ARAP2: variants seen among roughly 807,000 people sequenced by gnomAD.
The protein encoded by ARAP2 is ArfGAP with RhoGAP domain, ankyrin repeat and PH domain 2.
Under a neutral mutation model 194.5 loss-of-function variants are expected in ARAP2, and 148 were observed. The observed-to-expected ratio is 0.76, with a 90% CI of 0.67 to 0.87. ARAP2 has a LOEUF of 0.87. Among genes scored for constraint, ARAP2 ranks in the 40% least tolerant of loss-of-function variants. The probability of loss-of-function intolerance (pLI) is 0.00; values close to 1 mark genes in which losing one functional copy is unlikely to be tolerated. For synonymous variants in ARAP2, 695 were observed against 683.5 expected (o/e 1.02, Z -0.26); for missense variants, 2,128 against 1,989.7 (o/e 1.07, Z -1.32).
chr4:36,083,286 A>G, intron 29 of ARAP2, 82 bp downstream of exon 29: 1 of 990,156 alleles, frequency 1.0e-6, no homozygotes, highest in Non-Finnish European at 1.5e-6. Flanking sequence ...AAGTTAGACT[A>G]ATGCCACTGA....
At chr4:36,157,077 A>G (rs1434268655) in intron 15 of ARAP2, among the ~76,000 whole-genome samples, 2 of 152,182 alleles carry the variant, frequency 1.3e-5, no homozygotes, top group Non-Finnish European at 2.9e-5. Flanking sequence ...TTATAACCAC[A>G]ATTGCCAAAA....
chr4:36,148,179 CT>C (rs1163298728), intron 17 of ARAP2, among the ~76,000 whole-genome samples: 2 of 152,084 alleles, frequency 1.3e-5, no homozygotes, highest in Admixed American at 6.6e-5. Flanking sequence ...AAAACATGGC[CT>C]TAATTTGAAG....
intron 5 of ARAP2, among the ~76,000 whole-genome samples, chr4:36,027,803 T>C (rs1718191590): frequency 6.6e-6 from 1 of 152,176 alleles, no homozygotes; most frequent in Non-Finnish European, 1.5e-5. Context: ...GTGCAATAAA[T>C]TATTTAACAA....
chr4:36,039,110 A>T (rs1011181921), intron 5 of ARAP2, among the ~76,000 whole-genome samples: 1 of 152,186 alleles, frequency 6.6e-6, no homozygotes, highest in Non-Finnish European at 1.5e-5. Flanking sequence ...AAGGGCAGGG[A>T]GATAAGAAGG....
intron 1 of ARAP2, among the ~76,000 whole-genome samples, chr4:36,238,208 C>T (rs1192234044): frequency 6.6e-6 from 1 of 152,140 alleles, no homozygotes; most frequent in South Asian, 2.1e-4. Flanking sequence ...TCCTCTGTAC[C>T]CTGTTCTCTA....
At chr4:36,071,280 C>T (rs1301991339) in intron 32 of ARAP2, among the ~76,000 whole-genome samples, 1 of 152,072 alleles carries the variant, frequency 6.6e-6, no homozygotes, top group Non-Finnish European at 1.5e-5. Context: ...TTTTATTAAT[C>T]CCACATGCTT....
rs1337663771 is a variant in ARAP2 at position 36,210,757 on chromosome 4, T to C, written c.1134-14A>G. ...TTATCGTATATGCTAAACGGAAAAA[T>C]GATGTAAACATTTCAAAGTGCTATA... On this transcript the variant is annotated splice_polypyrimidine_tract_variant and intron_variant, in intron 5 of 32. Coordinates refer to ENST00000303965, the MANE Select transcript of ARAP2 (RefSeq NM_015230.4). 4 of 1,529,480 alleles carry C rather than the reference T, an allele frequency of 2.6e-6. No individual in the cohort carries two copies. The highest frequency in any genetic ancestry group is 1.3e-5 in the South Asian group (1 of 79,330). The allele number at this position is 1,529,480 out of a possible 1,614,324, so 94.7% of individuals were successfully genotyped here.
In ARAP2 at chr4:36,165,002, T is replaced by G. The variant is rs1438173317; in HGVS notation, c.2085A>C (p.Glu695Asp). 3 of 1,614,120 alleles carry G rather than the reference T, an allele frequency of 1.9e-6. No individual in the cohort carries two copies. Among genetic ancestry groups the G allele is most frequent in the South Asian group, 1.1e-5 (1 of 91,078 alleles). Residue 695 changes from glutamate (E) to aspartate (D), a missense_variant, in exon 11 of 33, where the codon GAA becomes GAC. By Grantham distance (45) the Glu-to-Asp change is conservative (BLOSUM62 2). Coordinates refer to ENST00000303965, the MANE Select transcript of ARAP2 (RefSeq NM_015230.4). The part of the protein sequence containing the change: ...YEVAEKIWFN[E>D]SNRSCADCKA... ...TACAATCTGCACAGCTCCTGTTGGATTCATTGAACCAAATCTTCTCAGCTA... is the reference window on the plus strand; with the variant it reads ...TACAATCTGCACAGCTCCTGTTGGAGTCATTGAACCAAATCTTCTCAGCTA...
At chr4:36,011,880 GA>G (rs765762479) in intron 9 of ARAP2, among the ~76,000 whole-genome samples, 1 of 152,066 alleles carries the variant, frequency 6.6e-6, no homozygotes, top group Non-Finnish European at 1.5e-5. Flanking sequence ...ATCAGCTTTA[GA>G]ATAGTTCCTT....
intron 24 of ARAP2, among the ~76,000 whole-genome samples, chr4:36,117,854 G>A (rs1721747593): frequency 6.6e-6 from 1 of 151,474 alleles, no homozygotes; most frequent in African/African-American, 2.4e-5. Flanking sequence ...GCCTTATGAT[G>A]TCATATCACT....
intron 20 of ARAP2, among the ~76,000 whole-genome samples, chr4:36,130,361 A>G (rs1725122992): frequency 6.6e-6 from 1 of 151,832 alleles, no homozygotes; most frequent in South Asian, 2.1e-4. Flanking sequence ...TGCCTTTTAT[A>G]TTGATCAACT....
At chr4:36,201,290 T>C (rs985843875) in intron 6 of ARAP2, among the ~76,000 whole-genome samples, 1 of 152,248 alleles carries the variant, frequency 6.6e-6, no homozygotes, top group Non-Finnish European at 1.5e-5. Context: ...TCCCAAAGAC[T>C]GCTCTTAACT....
chr4:36,040,409 T>C (rs1198823024), intron 5 of ARAP2, among the ~76,000 whole-genome samples: 2 of 152,168 alleles, frequency 1.3e-5, no homozygotes. Flanking sequence ...AGGAATAGCA[T>C]TGAACCGGTA....
At chr4:36,162,031 C>T (rs1734151637) in intron 11 of ARAP2, among the ~76,000 whole-genome samples, 1 of 151,608 alleles carries the variant, frequency 6.6e-6, no homozygotes, top group Non-Finnish European at 1.5e-5. Flanking sequence ...TGGCGTGAAC[C>T]CGGGAGGCGG....
intron 19 of ARAP2, among the ~76,000 whole-genome samples, chr4:36,136,559 T>C (rs1405161554): frequency 6.6e-6 from 1 of 151,664 alleles, no homozygotes; most frequent in Non-Finnish European, 1.5e-5. Flanking sequence ...ATCAATAAAC[T>C]TGACCACATA....
At chr4:36,199,678 A>G (rs1743944843) in intron 6 of ARAP2, among the ~76,000 whole-genome samples, 1 of 151,970 alleles carries the variant, frequency 6.6e-6, no homozygotes, top group African/African-American at 2.4e-5. Context: ...CTATGAGTGT[A>G]TTTTTTTTAG....
At chr4:36,040,339 C>T (rs188035757) in intron 5 of ARAP2, among the ~76,000 whole-genome samples, 2 of 152,236 alleles carry the variant, frequency 1.3e-5, no homozygotes, top group African/African-American at 4.8e-5. Flanking sequence ...GTAATACTAA[C>T]TGTTGGGAAA....
Position 36,150,955 on chromosome 4 carries a change from T to C in ARAP2, c.2842A>G (p.Ile948Val), listed in dbSNP as rs1560536684. Residue 948 changes from isoleucine (I) to valine (V), a missense_variant, in exon 16 of 33, where the codon ATC (isoleucine) becomes GTC (valine). Coordinates refer to ENST00000303965, the MANE Select transcript of ARAP2 (RefSeq NM_015230.4). ...ATAGCCAGGCAGATAACTTCATTGATATTAATGGTGCCATTAGGTGTGGTA... is the reference window on the plus strand; with the variant it reads ...ATAGCCAGGCAGATAACTTCATTGACATTAATGGTGCCATTAGGTGTGGTA... The part of the protein sequence containing the change: ...KSTTPNGTIN[I>V]NEVICLAIHK... The C allele has an allele frequency of 1.9e-6, 3 of 1,613,376 alleles. No individual in the cohort carries two copies. Among genetic ancestry groups the C allele is most frequent in the Middle Eastern group, 1.7e-4 (1 of 6,056 alleles).
At chr4:36,064,858 A>T (rs995756555), downstream of ARAP2, among the ~76,000 whole-genome samples, 1 of 152,204 alleles carries the variant, frequency 6.6e-6, no homozygotes, top group African/African-American at 2.4e-5. Flanking sequence ...GAGAAAAGAC[A>T]TTGGGGAAGG....
Sources: allele counts gnomAD v4.1 joint callset (sites outside exome capture counted in the v4.1 genomes callset), GRCh38; gene constraint gnomAD v4.1.1; transcripts MANE v1.5; gene names NCBI Gene and HGNC (gene_info 2026-07-23, HGNC 2026-07-21).